The following CMTR1 variants were observed in gnomAD, a reference collection of about 807,000 sequenced individuals.
CMTR1 encodes cap methyltransferase 1, also known as cap-specific mRNA (nucleoside-2'-O-)-methyltransferase 1.
CMTR1 carries 39 observed loss-of-function variants against 107.0 expected under a neutral mutation model. That is an observed-to-expected ratio of 0.36 (90% CI 0.28 to 0.48). CMTR1 has a LOEUF of 0.48. CMTR1 is among the 20% of genes least tolerant of loss of function. CMTR1 has a pLI of 0.99. For synonymous variants in CMTR1, 366 were observed against 379.5 expected (o/e 0.96, Z 0.41); for missense variants, 672 against 1,064.9 (o/e 0.63, Z 5.14).
intron 18 of CMTR1, 122 bp downstream of exon 18, chr6:37,474,768 T>C: frequency 6.9e-7 from 1 of 1,454,430 alleles, no homozygotes; most frequent in South Asian, 1.3e-5. Context: ...GGCCCAGGGC[T>C]GGGGTAAGGG....
intron 10 of CMTR1, 83 bp downstream of exon 10, chr6:37,459,767 T>C (rs1761364464): frequency 9.6e-6 from 9 of 939,150 alleles, no homozygotes; most frequent in Admixed American, 6.9e-5. Context: ...TATCTGGTTC[T>C]TTAGCTGCTC....
the CMTR1 span, among the ~76,000 whole-genome samples, chr6:37,427,692 C>G: frequency 6.6e-6 from 1 of 152,206 alleles, no homozygotes; most frequent in African/African-American, 2.4e-5. The surrounding 1 kb of genome is among the most constrained non-coding windows in gnomAD (Gnocchi z 4.4). Context: ...TCATTCCTGA[C>G]ATTTCCAGTT....
At chr6:37,465,721 A>G (rs1400101736) in intron 13 of CMTR1, among the ~76,000 whole-genome samples, 4 of 152,080 alleles carry the variant, frequency 2.6e-5, no homozygotes, top group African/African-American at 9.7e-5. Flanking sequence ...TCTTGAACTC[A>G]TGACCTCAGG....
rs1562122858 is a variant in CMTR1 at position 37,458,526 on chromosome 6, A to G, written c.778-86A>G. On this transcript the variant is annotated intron_variant, in intron 8 of 23. Transcript: ENST00000373451. The surrounding 1 kb of genome is among the most constrained non-coding windows in gnomAD (Gnocchi z 4.7). ...CTGGATTGTACTTGCCGAAAGGCTT[A>G]TTTTACTCTCCCTGCATTCTCCTTC... 5.2e-6 allele frequency: 7 copies of G among 1,351,446 alleles called. No individual in the cohort carries two copies. Among genetic ancestry groups the G allele is most frequent in the East Asian group, 2.4e-5 (1 of 42,208 alleles). 83.7% of individuals were successfully genotyped at this position (1,351,446 alleles called of 1,614,324 possible).
At chr6:37,462,141 T>C (rs749539327) in intron 12 of CMTR1, 39 bp downstream of exon 12, 2 of 1,612,104 alleles carry the variant, frequency 1.2e-6, no homozygotes. Flanking sequence ...ATTAATTGGC[T>C]AAATGTCAGA....
intron 13 of CMTR1, among the ~76,000 whole-genome samples, chr6:37,464,329 TGGTGGCGGGCG>T (rs1434905422): frequency 6.6e-6 from 1 of 151,846 alleles, no homozygotes; most frequent in Non-Finnish European, 1.5e-5. Flanking sequence ...TAGCCAGGCG[TGGTGGCGGGCG>T]CCTGTAGTCC....
chr6:37,435,655 G>A lies in CMTR1; in HGVS notation c.26G>A (p.Cys9Tyr), dbSNP rs758518040. ...ATGAAGAGGAGAACTGACCCAGAAT[G>A]CACTGCCCCCATCAAGAAACAGAAA... MKRRTDPE[C>Y]TAPIKKQKKR... Residue 9 changes from cysteine to tyrosine, a missense_variant, in exon 2 of 24, where the codon TGC (cysteine) becomes TAC (tyrosine). By Grantham distance (194) the Cys-to-Tyr change is radical. Around this residue, in one of 2 missense-constraint regions of CMTR1, gnomAD observed 89 missense variants for 96.6 expected, o/e 0.92. Coordinates refer to ENST00000373451, the MANE Select transcript of CMTR1 (RefSeq NM_015050.3). 2.5e-6 allele frequency: 4 copies of A among 1,601,260 alleles called. No individual in the cohort carries two copies. The highest frequency in any genetic ancestry group is 3.4e-6 in the Non-Finnish European group (4 of 1,175,010).
chr6:37,480,968 G>C lies in CMTR1; in HGVS notation c.*823G>C, dbSNP rs1581759239. The C allele has an allele frequency of 3.1e-6, 4 of 1,271,144 alleles. No homozygotes were observed. The highest frequency in any genetic ancestry group is 1.5e-5 in the African/African-American group (1 of 64,846). 78.7% of individuals were successfully genotyped at this position (1,271,144 alleles called of 1,614,324 possible). Reference sequence around the variant, plus strand: ...CCCCACAGCAGCAGGGGCCCCAGCAGTAACAAAGGGTACCTCCAGGGGTTT... The same window carrying C: ...CCCCACAGCAGCAGGGGCCCCAGCACTAACAAAGGGTACCTCCAGGGGTTT... On this transcript the variant is annotated 3_prime_UTR_variant, in exon 24 of 24. Coordinates refer to ENST00000373451, the MANE Select transcript of CMTR1 (RefSeq NM_015050.3).
chr6:37,479,019 G>C, intron 22 of CMTR1, 128 bp from the exon 23 acceptor site: 1 of 640,778 alleles, frequency 1.6e-6, no homozygotes, highest in East Asian at 2.7e-5. Context: ...GCTGCCTCAC[G>C]GGCTATTCCC....
At chr6:37,431,184 A>T (rs1349812464), upstream of CMTR1, among the ~76,000 whole-genome samples, 1 of 152,212 alleles carries the variant, frequency 6.6e-6, no homozygotes, top group Non-Finnish European at 1.5e-5. Context: ...TTACATAAAA[A>T]TTAAATCATT....
At chr6:37,452,215 A>G (rs140430206) in intron 6 of CMTR1, among the ~76,000 whole-genome samples, 94 of 151,606 alleles carry the variant, frequency 6.2e-4, no homozygotes, top group African/African-American at 2.0e-3. Flanking sequence ...AAGATCTGCA[A>G]CTCTTTGCTG....
rs1266773577 is a variant in CMTR1 at position 37,477,996 on chromosome 6, TAGA to T, written c.2153+360_2153+362del. On this transcript the variant is annotated intron_variant, in intron 21 of 23. Transcript: ENST00000373451. Reference sequence around the variant, plus strand: ...GAGAGAGAAATTGAGCCTGGAGGGGTAGAAGGGGCATAAATGCGTCCTTATATT... The same window carrying T: ...GAGAGAGAAATTGAGCCTGGAGGGGTAGGGGCATAAATGCGTCCTTATATT... Among the ~76,000 whole-genome samples the T allele has an allele frequency of 2.0e-5, 3 of 152,136 alleles. No individual in the cohort carries two copies. In the East Asian group the frequency reaches 5.8e-4, roughly 29 times the overall value.
intron 3 of CMTR1, among the ~76,000 whole-genome samples, chr6:37,445,036 A>G (rs1400629027): frequency 6.6e-6 from 1 of 152,174 alleles, no homozygotes; most frequent in East Asian, 1.9e-4. Flanking sequence ...AAAAAATAAA[A>G]AAAAAGAAAG....
chr6:37,452,124 T>A (rs1365847402), intron 6 of CMTR1, among the ~76,000 whole-genome samples: 1 of 152,198 alleles, frequency 6.6e-6, no homozygotes, highest in Non-Finnish European at 1.5e-5. Flanking sequence ...GTGGGTCTGT[T>A]CATTGTAATC....
chr6:37,430,093 C>T (rs1771342070), upstream of CMTR1, among the ~76,000 whole-genome samples: 1 of 152,132 alleles, frequency 6.6e-6, no homozygotes, highest in African/African-American at 2.4e-5. Context: ...CATTGTTGTG[C>T]AAAATATGTG....
intron 4 of CMTR1, among the ~76,000 whole-genome samples, chr6:37,449,302 T>TGTTATGTTAC (rs1771881524): frequency 6.6e-6 from 1 of 151,702 alleles, no homozygotes; most frequent in Non-Finnish European, 1.5e-5. Context: ...TGTTATGTTA[T>TGTTATGTTAC]GTTATGTTAT....
intron 9 of CMTR1, among the ~76,000 whole-genome samples, chr6:37,459,356 A>T (rs1189795321): frequency 7.2e-5 from 11 of 152,230 alleles, no homozygotes; most frequent in African/African-American, 2.7e-4. Flanking sequence ...CGAGTTGATG[A>T]CTTTTGACTG....
intron 6 of CMTR1, 36 bp from the exon 7 acceptor site, chr6:37,453,011 C>T (rs1403694854): frequency 1.3e-6 from 2 of 1,598,224 alleles, no homozygotes; most frequent in Non-Finnish European, 1.7e-6. Flanking sequence ...CTTTCCTATC[C>T]TGGAATTCAC....
chr6:37,435,693 G>C lies in CMTR1; in HGVS notation c.64G>C (p.Glu22Gln). The C allele has an allele frequency of 1.2e-6, 2 of 1,603,400 alleles. No homozygotes were observed. The highest frequency in any genetic ancestry group is 1.7e-6 in the Non-Finnish European group (2 of 1,175,960). ...CAAGAAACAGAAAAAAAGAGTTGCA[G>C]AGCTTGCCCTGAGCCTCAGCTCCAC... is the stretch of plus-strand genomic sequence containing the variant. ...PIKKQKKRVAELALSLSSTSD... is the reference protein window; with the variant it reads ...PIKKQKKRVAQLALSLSSTSD... Residue 22 changes from glutamate to glutamine, a missense_variant, in exon 2 of 24, where the codon GAG becomes CAG. Glu to Gln is a conservative substitution (Grantham distance 29, BLOSUM62 2). Around this residue, in one of 2 missense-constraint regions of CMTR1, gnomAD observed 89 missense variants for 96.6 expected, o/e 0.92. Transcript: ENST00000373451.
Sources: gnomAD v4.1 joint callset for allele counts (sites outside exome capture counted in the v4.1 genomes callset) on GRCh38, gnomAD v4.1.1 for gene constraint, gnomAD v4.1.1 regional missense constraint, Gnocchi (gnomAD v3.1) non-coding constraint, MANE v1.5 for transcripts, NCBI Gene and HGNC (gene_info 2026-07-23, HGNC 2026-07-21) for gene names.